ACOXL: variants seen among roughly 807,000 people sequenced by gnomAD.
ACOXL encodes acyl-coenzyme A oxidase-like protein.
A neutral mutation model predicts 71.9 loss-of-function variants in ACOXL; 70 were observed. The observed-to-expected ratio is 0.97, with a 90% CI of 0.80 to 1.19. The LOEUF is 1.19. ACOXL is among the 50% of genes most tolerant of loss of function. The pLI is 0.00. For synonymous variants in ACOXL, 253 were observed against 281.6 expected (o/e 0.90, Z 1.02); for missense variants, 703 against 736.3 (o/e 0.95, Z 0.52).
intron 10 of ACOXL, among the ~76,000 whole-genome samples, chr2:110,893,693 A>T (rs1439077212): frequency 1.3e-5 from 2 of 152,200 alleles, no homozygotes; most frequent in Non-Finnish European, 2.9e-5. Context: ...TATTAGGTAA[A>T]TAGAAAAGCA....
chr2:110,945,653 AGG>A (rs1267921980), intron 12 of ACOXL, among the ~76,000 whole-genome samples: 1 of 152,056 alleles, frequency 6.6e-6, no homozygotes, highest in Non-Finnish European at 1.5e-5. Flanking sequence ...AGGTGATCAG[AGG>A]TGTGTGGCCT....
chr2:110,837,956 G>T (rs1004485543), intron 9 of ACOXL, among the ~76,000 whole-genome samples: 1 of 152,172 alleles, frequency 6.6e-6, no homozygotes, highest in African/African-American at 2.4e-5. Context: ...CAACCCACGG[G>T]CCTCCCTCCC....
chr2:110,970,915 G>A (rs112162455), intron 12 of ACOXL, among the ~76,000 whole-genome samples: 1,540 of 152,286 alleles, frequency 0.01, 20 homozygotes, highest in African/African-American at 0.034. Context: ...CAGGGAAGAA[G>A]TTCTTAGGGT....
intron 15 of ACOXL, among the ~76,000 whole-genome samples, chr2:111,042,052 T>C (rs549694677): frequency 6.6e-6 from 1 of 152,278 alleles, no homozygotes; most frequent in Admixed American, 6.5e-5. Flanking sequence ...CCCAGCCCCT[T>C]TGGGAACTGC....
intron 14 of ACOXL, among the ~76,000 whole-genome samples, chr2:111,021,741 G>T (rs1267621745): frequency 6.6e-6 from 1 of 152,126 alleles, no homozygotes; most frequent in Non-Finnish European, 1.5e-5. Context: ...GCAAATACAT[G>T]AGAGAAGAGT....
intron 12 of ACOXL, among the ~76,000 whole-genome samples, chr2:110,959,143 T>G (rs545163130): frequency 6.6e-6 from 1 of 152,342 alleles, no homozygotes; most frequent in East Asian, 1.9e-4. Context: ...TTGGCCTGAC[T>G]CAAGACTTGA....
At chr2:110,740,863 T>G (rs1280908077) in intron 1 of ACOXL, among the ~76,000 whole-genome samples, 1 of 152,104 alleles carries the variant, frequency 6.6e-6, no homozygotes, top group Non-Finnish European at 1.5e-5. Context: ...TGTTTGAATG[T>G]TGGGACATGG....
intron 3 of ACOXL, among the ~76,000 whole-genome samples, chr2:110,785,475 T>C (rs1183489944): frequency 6.6e-6 from 1 of 151,360 alleles, no homozygotes; most frequent in Non-Finnish European, 1.5e-5. Context: ...TGTTCCATCA[T>C]CAGAAAGAAA....
intron 16 of ACOXL, among the ~76,000 whole-genome samples, chr2:111,052,782 T>C (rs532168749): frequency 3.9e-5 from 6 of 152,252 alleles, no homozygotes; most frequent in Non-Finnish European, 7.4e-5. Flanking sequence ...CGCCTGTGAC[T>C]CCAGGTGTCA....
At chr2:110,760,165 A>C (rs776255965) in intron 1 of ACOXL, among the ~76,000 whole-genome samples, 36 of 144,180 alleles carry the variant, frequency 2.5e-4, no homozygotes, top group Non-Finnish European at 4.7e-4. Context: ...TTTGAGATGG[A>C]GTCTCACTCT....
At chr2:110,988,795 C>G (rs2063044596) in intron 13 of ACOXL, among the ~76,000 whole-genome samples, 1 of 151,064 alleles carries the variant, frequency 6.6e-6, no homozygotes, top group African/African-American at 2.4e-5. Context: ...TTTCACATGT[C>G]TGTTTGCCAT....
intron 2 of ACOXL, among the ~76,000 whole-genome samples, chr2:110,773,911 A>G (rs1440017293): frequency 6.6e-6 from 1 of 152,196 alleles, no homozygotes; most frequent in African/African-American, 2.4e-5. Flanking sequence ...TGCAGTTGTC[A>G]TCTGTGATAG....
chr2:111,003,550 C>CAAAAAAAAAAAAA lies in ACOXL; in HGVS notation c.1281+7563_1281+7575dup. ...TGGGCGACAGGGCGAGACTCTGTCT[C>CAAAAAAAAAAAAA]AAAAAAAAAAAAAAAAAAAAAAAAA... On this transcript the variant is annotated intron_variant, in intron 14 of 17. Transcript: ENST00000439055. Among the ~76,000 whole-genome samples the CAAAAAAAAAAAAA allele has an allele frequency of 2.7e-3, 95 of 35,336 alleles. 11 individuals are homozygous for CAAAAAAAAAAAAA. Among genetic ancestry groups the CAAAAAAAAAAAAA allele is most frequent in the South Asian group, 5.8e-3 (4 of 688 alleles). 23.2% of individuals were successfully genotyped at this position (35,336 alleles called of 152,430 possible). A position where few individuals can be genotyped will look rare whatever the true frequency, so the allele number is the denominator to read the frequency against.
chr2:110,774,337 G>A (rs1306419928), intron 2 of ACOXL, among the ~76,000 whole-genome samples: 1 of 152,086 alleles, frequency 6.6e-6, no homozygotes, highest in African/African-American at 2.4e-5. Context: ...AGATGGTGAT[G>A]GATGCTGGGG....
intron 2 of ACOXL, among the ~76,000 whole-genome samples, chr2:110,782,539 C>A (rs1224932088): frequency 6.6e-6 from 1 of 152,144 alleles, no homozygotes; most frequent in Non-Finnish European, 1.5e-5. Context: ...TGTCATTTCC[C>A]ATGAGATCTA....
intron 8 of ACOXL, among the ~76,000 whole-genome samples, chr2:110,803,108 A>G (rs1331251828): frequency 6.6e-6 from 1 of 152,238 alleles, no homozygotes; most frequent in African/African-American, 2.4e-5. Context: ...AGGAAATAAA[A>G]TGGAAACAAT....
At chr2:110,948,440 A>G (rs1243746468) in intron 12 of ACOXL, among the ~76,000 whole-genome samples, 2 of 152,190 alleles carry the variant, frequency 1.3e-5, no homozygotes, top group Non-Finnish European at 2.9e-5. Flanking sequence ...CACCTCATTT[A>G]TCTGGCATCA....
At position 110,802,514 on chromosome 2, in the gene ACOXL, C is replaced by G. The variant is rs192261023; in HGVS notation, c.620+790C>G. Among the ~76,000 whole-genome samples the G allele has an allele frequency of 2.2e-4, 33 of 152,324 alleles. 1 individual carries two copies. Among genetic ancestry groups the G allele is most frequent in the Admixed American group, 1.9e-3 (29 of 15,296 alleles). ...TGGGTTTCCCTTGAATGCTTTACTC[C>G]TTTTTGTTGCCAGCAGATAAATGTA... On this transcript the variant is annotated intron_variant, in intron 8 of 17. Transcript: ENST00000439055.
At chr2:110,960,426 CCG>C (rs1028764104) in intron 12 of ACOXL, among the ~76,000 whole-genome samples, 1 of 152,222 alleles carries the variant, frequency 6.6e-6, no homozygotes, top group Non-Finnish European at 1.5e-5. Context: ...TCTCCTCTAA[CCG>C]TACCTTCCAT....
Sources: allele counts gnomAD v4.1 joint callset (sites outside exome capture counted in the v4.1 genomes callset), GRCh38; gene constraint gnomAD v4.1.1; transcripts MANE v1.5; gene names NCBI Gene and HGNC (gene_info 2026-07-23, HGNC 2026-07-21).